Variants in PACS1 observed in about 807,000 individuals in gnomAD.
The protein encoded by PACS1 is PACS-1.
A neutral mutation model predicts 115.0 loss-of-function variants in PACS1; 24 were observed. That is an observed-to-expected ratio of 0.21 (90% confidence interval 0.15 to 0.29). The LOEUF (loss-of-function observed/expected upper bound fraction) is 0.29. Ranked by LOEUF, PACS1 falls within the 10% of genes least tolerant of loss-of-function variation. The probability of loss-of-function intolerance (pLI) is 1.00; values close to 1 mark genes in which losing one functional copy is unlikely to be tolerated. For missense variants in PACS1, 838 were observed against 1,251.2 expected (o/e 0.67, Z 4.98); for synonymous variants, 453 against 504.5 (o/e 0.90, Z 1.37).
chr11:66,162,367 C>T (rs1378241082), intron 1 of PACS1, among the ~76,000 whole-genome samples: 1 of 152,064 alleles, frequency 6.6e-6, no homozygotes, highest in Non-Finnish European at 1.5e-5. Flanking sequence ...GGTGATCTGC[C>T]CACCTCGGCC....
At chr11:66,121,332 C>T (rs910896914) in intron 1 of PACS1, among the ~76,000 whole-genome samples, 1 of 152,108 alleles carries the variant, frequency 6.6e-6, no homozygotes, top group Admixed American at 6.6e-5. Context: ...TCTCCTCAGG[C>T]CTCCCTATTT....
At chr11:66,146,893 TA>T (rs1036574435) in intron 1 of PACS1, among the ~76,000 whole-genome samples, 1 of 151,912 alleles carries the variant, frequency 6.6e-6, no homozygotes, top group Non-Finnish European at 1.5e-5. Flanking sequence ...CCGTCTCTAC[TA>T]AAAAATACAA....
At chr11:66,171,493 G>A (rs987355829) in intron 1 of PACS1, among the ~76,000 whole-genome samples, 9 of 148,960 alleles carry the variant, frequency 6.0e-5, no homozygotes, top group Admixed American at 3.3e-4. Context: ...TTGGGGGGGC[G>A]GTGTCTCTAT....
intron 1 of PACS1, among the ~76,000 whole-genome samples, chr11:66,071,218 A>G (rs1424132266): frequency 6.6e-6 from 1 of 151,536 alleles, no homozygotes; most frequent in Non-Finnish European, 1.5e-5. Flanking sequence ...ATCTCTTGAT[A>G]TTATTATTTC....
At chr11:66,200,920 CAA>C (rs35529109) in intron 2 of PACS1, among the ~76,000 whole-genome samples, 1 of 138,806 alleles carries the variant, frequency 7.2e-6, no homozygotes. Context: ...TTAAAACATT[CAA>C]AAAAAAAAAA....
chr11:66,171,167 G>A (rs1429122288), intron 1 of PACS1, among the ~76,000 whole-genome samples: 3 of 150,140 alleles, frequency 2.0e-5, no homozygotes, highest in Admixed American at 2.0e-4. Flanking sequence ...GTCAGTTTTT[G>A]TGGTATTTAT....
chr11:66,094,340 G>A (rs376882598), intron 1 of PACS1, among the ~76,000 whole-genome samples: 9 of 150,184 alleles, frequency 6.0e-5, no homozygotes, highest in South Asian at 4.2e-4. Context: ...TCAAATAGAC[G>A]CAATAAAAAA....
chr11:66,113,395 G>A (rs1205261684), intron 1 of PACS1, among the ~76,000 whole-genome samples: 1 of 152,024 alleles, frequency 6.6e-6, no homozygotes. Flanking sequence ...ATCTCTAGTT[G>A]GCAAAACATC....
In PACS1 at chr11:66,123,831, TTAAAG is replaced by T. The variant is rs569588399; in HGVS notation, c.356+52992_356+52996del. ...CCACCGCACCCAGCCCATTTTTAAATTAAAGTATATACTTTTTTTTTTTTTAAGAC... is the reference window on the plus strand; with the variant it reads ...CCACCGCACCCAGCCCATTTTTAAATTATATACTTTTTTTTTTTTTAAGAC... On this transcript the variant is annotated intron_variant, in intron 1 of 23. Coordinates refer to ENST00000320580, the MANE Select transcript of PACS1 (RefSeq NM_018026.4). 1.0e-3 allele frequency among the ~76,000 whole-genome samples: 152 copies of T among 151,902 alleles called. 5 individuals are homozygous for T. Among genetic ancestry groups the T allele is most frequent in the Admixed American group, 9.8e-3 (150 of 15,284 alleles).
At chr11:66,137,786 T>C (rs1440480882) in intron 1 of PACS1, among the ~76,000 whole-genome samples, 3 of 152,242 alleles carry the variant, frequency 2.0e-5, no homozygotes, top group Admixed American at 1.3e-4. Flanking sequence ...TAAAAAGTGC[T>C]TAGGGTTTTG....
chr11:66,160,663 A>ATTTTTTTT (rs58145434), intron 1 of PACS1, among the ~76,000 whole-genome samples: 12 of 116,194 alleles, frequency 1.0e-4, no homozygotes, highest in African/African-American at 3.1e-4. Context: ...TGCCTGGCTG[A>ATTTTTTTT]TTTTTTTTTT....
rs149610335 is a variant in PACS1, at chr11:66,189,528, C to G, written c.357-3958C>G. Among the ~76,000 whole-genome samples the G allele has an allele frequency of 9.5e-4, 144 of 152,306 alleles. 2 individuals are homozygous for G. The East Asian group carries it at 0.026, about 28-fold the overall frequency. Reference sequence around the variant, plus strand: ...GGCATAATAGAGCAGCAGCACAGAACGTAACGTGATTGTTTGCTTTTCCCG... The same window carrying G: ...GGCATAATAGAGCAGCAGCACAGAAGGTAACGTGATTGTTTGCTTTTCCCG... On this transcript the variant is annotated intron_variant, in intron 1 of 23. Coordinates refer to ENST00000320580, the MANE Select transcript of PACS1 (RefSeq NM_018026.4).
At chr11:66,128,909 A>G (rs1858639453) in intron 1 of PACS1, among the ~76,000 whole-genome samples, 1 of 149,528 alleles carries the variant, frequency 6.7e-6, no homozygotes, top group Non-Finnish European at 1.5e-5. Context: ...TGTGAGTGAG[A>G]TATCTTGACA....
At chr11:66,193,637 G>A in intron 2 of PACS1, 64 bp downstream of exon 2, 2 of 1,160,604 alleles carry the variant, frequency 1.7e-6, no homozygotes, top group South Asian at 1.3e-5. Context: ...GCCCACTGCT[G>A]CGGCTTCAGA....
intron 1 of PACS1, among the ~76,000 whole-genome samples, chr11:66,192,022 C>CA (rs955231213): frequency 3.2e-4 from 43 of 135,552 alleles, no homozygotes; most frequent in African/African-American, 6.8e-4. Flanking sequence ...GACTCTGTCT[C>CA]AAAAAAAAAA....
chr11:66,223,171 C>CAACTTTCACCTCCCGGGT (rs1855395038), intron 10 of PACS1, among the ~76,000 whole-genome samples: 1 of 151,842 alleles, frequency 6.6e-6, no homozygotes, highest in Admixed American at 6.6e-5. Flanking sequence ...CGGCTCACTG[C>CAACTTTCACCTCCCGGGT]AACTTTCACC....
At chr11:66,154,500 A>T (rs1249587216) in intron 1 of PACS1, among the ~76,000 whole-genome samples, 1 of 152,160 alleles carries the variant, frequency 6.6e-6, no homozygotes. Context: ...ATACAGTAGG[A>T]TCTCACTACT....
At chr11:66,076,949 G>C (rs1857410036) in intron 1 of PACS1, among the ~76,000 whole-genome samples, 1 of 152,194 alleles carries the variant, frequency 6.6e-6, no homozygotes, top group Admixed American at 6.5e-5. Flanking sequence ...CATCAAGCAA[G>C]GTGGGCAGTC....
At chr11:66,177,229 A>G (rs1032050180) in intron 1 of PACS1, among the ~76,000 whole-genome samples, 2 of 152,142 alleles carry the variant, frequency 1.3e-5, no homozygotes, top group African/African-American at 4.8e-5. Flanking sequence ...GTGAGAGCAT[A>G]TTACTAAACA....
Sources: gnomAD v4.1 joint callset for allele counts (sites outside exome capture counted in the v4.1 genomes callset) on GRCh38, gnomAD v4.1.1 for gene constraint, MANE v1.5 for transcripts, NCBI Gene and HGNC (gene_info 2026-07-23, HGNC 2026-07-21) for gene names.